The following USP13 variants were observed in gnomAD, a reference collection of about 807,000 sequenced individuals.
The protein encoded by USP13 is ubiquitin carboxyl-terminal hydrolase 13.
USP13 carries 68 observed loss-of-function variants against 107.8 expected under a neutral mutation model. That is an observed-to-expected ratio of 0.63 (90% CI 0.52 to 0.77). The LOEUF (loss-of-function observed/expected upper bound fraction) is 0.77. Among genes scored for constraint, USP13 ranks in the 30% least tolerant of loss-of-function variants. The probability of loss-of-function intolerance (pLI) is 0.00; values close to 1 mark genes in which losing one functional copy is unlikely to be tolerated. For missense variants in USP13, 945 were observed against 1,093.3 expected, an observed-to-expected ratio of 0.86 and a Z score of 1.91; for synonymous variants, 377 against 389.5, an observed-to-expected ratio of 0.97 and a Z score of 0.38.
At chr3:179,780,515 A>G (rs2300762) in intron 19 of USP13, among the ~76,000 whole-genome samples, 85,886 of 151,764 alleles carry the variant, frequency 0.57, 24,504 homozygotes, top group East Asian at 0.67. Flanking sequence ...CAGAGAGAGA[A>G]AGAAAGAGAG....
chr3:179,666,975 C>T (rs1252706691), intron 1 of USP13, among the ~76,000 whole-genome samples: 1 of 152,148 alleles, frequency 6.6e-6, no homozygotes, highest in Non-Finnish European at 1.5e-5. Context: ...CTTGGTTTCC[C>T]CCTCTGTAGT....
At chr3:179,767,581 C>G (rs1328763124) in intron 19 of USP13, among the ~76,000 whole-genome samples, 1 of 152,148 alleles carries the variant, frequency 6.6e-6, no homozygotes, top group Non-Finnish European at 1.5e-5. Context: ...TGGGCCACCA[C>G]GCTCCCTTGT....
Position 179,672,501 on chromosome 3 carries a change from C to T in USP13, c.169-9377C>T, listed in dbSNP as rs571087456. ...CCGGGTTCAAGCAATTCCCCTGCCT[C>T]AGCCTACTGAATAGCTGGGACTACA... On this transcript the variant is annotated intron_variant, in intron 1 of 20. Coordinates refer to ENST00000263966, the MANE Select transcript of USP13 (RefSeq NM_003940.3). Among the ~76,000 whole-genome samples the T allele has an allele frequency of 1.2e-4, 19 of 152,122 alleles. 1 individual carries two copies. The highest frequency in any genetic ancestry group is 4.6e-4 in the African/African-American group (19 of 41,494).
chr3:179,785,804 C>G lies in USP13; in HGVS notation c.*1663C>G, dbSNP rs113472679. 1.3e-5 allele frequency: 2 copies of G among 152,314 alleles called. No homozygotes were observed. The highest frequency in any genetic ancestry group is 2.4e-5 in the African/African-American group (1 of 41,442). The allele number at this position is 152,314 out of a possible 1,614,324, so 9.4% of individuals were successfully genotyped here. A position where few individuals can be genotyped will look rare whatever the true frequency, so the allele number is the denominator to read the frequency against. ...ATGGCCTGGAGACCTGGGTGCTGCT[C>G]CTAGCTGACTGTGGACCTTGGGCAA... On this transcript the variant is annotated 3_prime_UTR_variant, in exon 21 of 21. Coordinates refer to ENST00000263966, the MANE Select transcript of USP13 (RefSeq NM_003940.3).
intron 6 of USP13, 31 bp downstream of exon 6, chr3:179,708,988 T>C (rs758542785): frequency 6.2e-7 from 1 of 1,603,002 alleles, no homozygotes; most frequent in Non-Finnish European, 8.5e-7. Context: ...TTTGGGAACA[T>C]GCAGTGGCTT....
In USP13 at chr3:179,770,317, T is replaced by A. The variant is rs148851496; in HGVS notation, c.2413+4469T>A. On this transcript the variant is annotated intron_variant, in intron 19 of 20. Coordinates refer to ENST00000263966, the MANE Select transcript of USP13 (RefSeq NM_003940.3). ...TCTAACTCTTGCAAAGCTGTATGGTTTTCTTCATAAATATGCTAGGCATTT... is the reference window on the plus strand; with the variant it reads ...TCTAACTCTTGCAAAGCTGTATGGTATTCTTCATAAATATGCTAGGCATTT... 7.7e-4 allele frequency among the ~76,000 whole-genome samples: 117 copies of A among 152,342 alleles called. 1 individual carries two copies. The highest frequency in any genetic ancestry group is 2.5e-3 in the African/African-American group (104 of 41,574).
At chr3:179,770,824 T>A (rs901307162) in intron 19 of USP13, among the ~76,000 whole-genome samples, 84 of 152,198 alleles carry the variant, frequency 5.5e-4, no homozygotes, top group African/African-American at 2.0e-3. Context: ...GCCAGGATGG[T>A]CTCCATTTCC....
chr3:179,754,908 A>C (rs1368529280), intron 15 of USP13, 54 bp downstream of exon 15: 9 of 1,528,972 alleles, frequency 5.9e-6, no homozygotes, highest in Non-Finnish European at 7.0e-6. Context: ...GTTCTATAGG[A>C]ACAGTCTCTT....
At chr3:179,751,583 G>A (rs1331673443) in intron 13 of USP13, among the ~76,000 whole-genome samples, 3 of 152,178 alleles carry the variant, frequency 2.0e-5, no homozygotes, top group Admixed American at 6.6e-5. Context: ...TGTATACCAA[G>A]CATGCATGCT....
chr3:179,687,563 G>T (rs1004992626), intron 2 of USP13, among the ~76,000 whole-genome samples: 2 of 149,442 alleles, frequency 1.3e-5, no homozygotes, highest in Non-Finnish European at 3.0e-5. Context: ...GGAGGCTGGC[G>T]CAGGAGAATC....
chr3:179,754,903 A>G (rs1484809028), intron 15 of USP13, 49 bp downstream of exon 15: 3 of 1,539,334 alleles, frequency 1.9e-6, no homozygotes, highest in South Asian at 1.3e-5. Context: ...ACCCTGTTCT[A>G]TAGGAACAGT....
Position 179,788,960 on chromosome 3 carries a change from G to C in USP13, c.*4819G>C, listed in dbSNP as rs901844453. ...TCCCAATTAAAAGACAAAAGCAAAT[G>C]AGCCCCAAACTGCCTGTCTTCAGCT... On this transcript the variant is annotated 3_prime_UTR_variant, in exon 21 of 21. Transcript: ENST00000263966. The C allele has an allele frequency of 1.3e-5, 2 of 152,030 alleles. No homozygotes were observed. The highest frequency in any genetic ancestry group is 4.8e-5 in the African/African-American group (2 of 41,374). The allele number at this position is 152,030 out of a possible 1,614,324, so 9.4% of individuals were successfully genotyped here.
chr3:179,765,201 TG>T (rs1279388605), intron 18 of USP13, among the ~76,000 whole-genome samples: 1 of 152,240 alleles, frequency 6.6e-6, no homozygotes, highest in African/African-American at 2.4e-5. Context: ...TTGTCTTTAC[TG>T]GAATTCAAAC....
chr3:179,662,470 CAGCTCTGTTGCCATCTT>C (rs1720484365), intron 1 of USP13, among the ~76,000 whole-genome samples: 1 of 152,176 alleles, frequency 6.6e-6, no homozygotes, highest in East Asian at 1.9e-4. Context: ...GCCTAGGATT[CAGCTCTGTTGCCATCTT>C]AGTCTTTTAG....
chr3:179,778,882 G>A (rs1275307350), intron 19 of USP13, among the ~76,000 whole-genome samples: 1 of 152,148 alleles, frequency 6.6e-6, no homozygotes, highest in Non-Finnish European at 1.5e-5. Context: ...TGGAAGGAGG[G>A]TTACTATTTA....
intron 13 of USP13, among the ~76,000 whole-genome samples, chr3:179,751,242 C>G (rs185444827): frequency 2.1e-4 from 32 of 152,148 alleles, no homozygotes; most frequent in African/African-American, 7.5e-4. Flanking sequence ...ATTGCCAAAT[C>G]CATGCCCAGG....
At chr3:179,729,048 A>G (rs1363516993) in intron 8 of USP13, among the ~76,000 whole-genome samples, 1 of 152,180 alleles carries the variant, frequency 6.6e-6, no homozygotes, top group Non-Finnish European at 1.5e-5. Context: ...AACACTTGTT[A>G]AAGATGATAA....
chr3:179,693,697 G>A (rs1158835564), intron 3 of USP13, among the ~76,000 whole-genome samples: 8 of 151,838 alleles, frequency 5.3e-5, no homozygotes, highest in Non-Finnish European at 7.4e-5. Flanking sequence ...TATTTGAGCC[G>A]GAGTCTTGCT....
chr3:179,749,252 GGTT>G (rs1560073458), intron 13 of USP13, among the ~76,000 whole-genome samples: 1 of 152,048 alleles, frequency 6.6e-6, no homozygotes, highest in Admixed American at 6.5e-5. Flanking sequence ...AATGCTAACA[GGTT>G]GTTAACAACA....
Sources: allele counts gnomAD v4.1 joint callset (sites outside exome capture counted in the v4.1 genomes callset), GRCh38; gene constraint gnomAD v4.1.1; transcripts MANE v1.5; gene names NCBI Gene and HGNC (gene_info 2026-07-23, HGNC 2026-07-21).